The following CLEC7A variants were observed in gnomAD, a reference collection of about 807,000 sequenced individuals.
CLEC7A encodes C-type lectin domain family 7 member A.
A neutral mutation model predicts 26.9 loss-of-function variants in CLEC7A; 25 were observed. That is an observed-to-expected ratio of 0.93 (90% confidence interval 0.68 to 1.30). The LOEUF is 1.30. CLEC7A is among the 50% of genes most tolerant of loss of function. The probability of loss-of-function intolerance (pLI) is 0.00; values close to 1 mark genes in which losing one functional copy is unlikely to be tolerated. For synonymous variants in CLEC7A, 100 were observed against 99.5 expected, an observed-to-expected ratio of 1.01 and a Z score of -0.03; for missense variants, 275 against 286.7, an observed-to-expected ratio of 0.96 and a Z score of 0.29.
At chr12:10,118,635 G>C (rs1456915847) in intron 5 of CLEC7A, 45 bp from the exon 6 acceptor site, 2 of 1,539,044 alleles carry the variant, frequency 1.3e-6, no homozygotes, top group Non-Finnish European at 1.8e-6. Flanking sequence ...AAATGTTAAG[G>C]AATACTGTCT....
chr12:10,127,576 C>T (rs1035955358), intron 2 of CLEC7A, 171 bp downstream of exon 2: 2 of 989,600 alleles, frequency 2.0e-6, no homozygotes, highest in Non-Finnish European at 3.2e-6. Context: ...CTCAGTCTCT[C>T]ACACCCTTTA....
rs982339053 is a variant in CLEC7A at position 10,118,448 on chromosome 12, A to C, written c.*10T>G. On this transcript the variant is annotated 3_prime_UTR_variant, in exon 6 of 6. Coordinates refer to ENST00000304084, the MANE Select transcript of CLEC7A (RefSeq NM_197947.3). The stretch of plus-strand genomic sequence containing the variant: ...CTCACATATTTCTCTCTCCTTCTCC[A>C]CCCTTCCTCTTACATTGAAAACTTC... 6.2e-7 allele frequency: 1 copy of C among 1,604,082 alleles called. No individual in the cohort carries two copies. Among genetic ancestry groups the C allele is most frequent in the African/African-American group, 1.3e-5 (1 of 74,614 alleles).
intron 5 of CLEC7A, among the ~76,000 whole-genome samples, chr12:10,120,845 C>T (rs1001986267): frequency 2.0e-5 from 3 of 150,326 alleles, no homozygotes; most frequent in Non-Finnish European, 4.4e-5. Context: ...ACCTCCGTCT[C>T]CCGGGTTGAA....
At chr12:10,119,249 A>C (rs1421086884) in intron 5 of CLEC7A, among the ~76,000 whole-genome samples, 1 of 152,208 alleles carries the variant, frequency 6.6e-6, no homozygotes, top group Non-Finnish European at 1.5e-5. Context: ...AAAAGCTATG[A>C]CTTGGCACTC....
intron 5 of CLEC7A, among the ~76,000 whole-genome samples, chr12:10,121,876 TGA>T (rs1948097157): frequency 6.6e-6 from 1 of 152,002 alleles, no homozygotes; most frequent in African/African-American, 2.4e-5. Context: ...GGCATGGTGG[TGA>T]GCGCCTGTAG....
At chr12:10,124,043 G>A (rs1234281459) in intron 4 of CLEC7A, among the ~76,000 whole-genome samples, 2 of 93,466 alleles carry the variant, frequency 2.1e-5, no homozygotes, top group African/African-American at 5.1e-5. Flanking sequence ...CGCTACTTTC[G>A]TTAAGAAGTA....
intron 5 of CLEC7A, among the ~76,000 whole-genome samples, chr12:10,118,861 T>A (rs1052105443): frequency 9.9e-5 from 15 of 152,072 alleles, no homozygotes; most frequent in African/African-American, 3.4e-4. Context: ...AGAAGAAAAA[T>A]CATTTAATAT....
intron 5 of CLEC7A, among the ~76,000 whole-genome samples, chr12:10,122,244 T>A (rs962363602): frequency 6.6e-6 from 1 of 152,092 alleles, no homozygotes; most frequent in African/African-American, 2.4e-5. Flanking sequence ...TCTGCAGATA[T>A]TAAAAAGCAA....
In CLEC7A at chr12:10,118,374, G is replaced by A. The variant is rs142132621; in HGVS notation, c.*84C>T. On this transcript the variant is annotated 3_prime_UTR_variant, in exon 6 of 6. Transcript: ENST00000304084. ...TCTAAACATTTTCTGCATTTATCTTGACCTCAGCTGTTACTCTTTTCTGTT... is the reference window on the plus strand; with the variant it reads ...TCTAAACATTTTCTGCATTTATCTTAACCTCAGCTGTTACTCTTTTCTGTT... 3.2e-4 allele frequency: 409 copies of A among 1,293,690 alleles called. No individual in the cohort carries two copies. In the African/African-American group the frequency reaches 4.7e-3, roughly 15 times the overall value. 80.1% of individuals were successfully genotyped at this position (1,293,690 alleles called of 1,614,324 possible).
intron 2 of CLEC7A, chr12:10,127,387 G>A (rs772001509): frequency 1.2e-6 from 2 of 1,612,094 alleles, no homozygotes; most frequent in Non-Finnish European, 8.5e-7. Context: ...TTCTTCTTCA[G>A]CTCCGCTTGT....
At chr12:10,123,747 G>A (rs918310678) in intron 4 of CLEC7A, among the ~76,000 whole-genome samples, 4 of 107,926 alleles carry the variant, frequency 3.7e-5, no homozygotes, top group African/African-American at 9.4e-5. Context: ...CGGCCTGGGC[G>A]ACAGAGCGAG....
intron 5 of CLEC7A, 44 bp downstream of exon 5, chr12:10,123,201 C>T (rs1565621596): frequency 2.3e-6 from 3 of 1,282,444 alleles, no homozygotes; most frequent in South Asian, 1.2e-5. Context: ...AGATGGAAAC[C>T]TCTCTGAGAA....
At chr12:10,130,206 A>AG (rs1363005867), upstream of CLEC7A, 1 of 543,616 alleles carries the variant, frequency 1.8e-6, no homozygotes, top group Admixed American at 3.1e-5. Context: ...TACTTACCGG[A>AG]GTTTAACAAA....
At chr12:10,125,180 CAA>C (rs10717980) in intron 4 of CLEC7A, 115 bp downstream of exon 4, 49,585 of 572,960 alleles carry the variant, frequency 0.087, 84 homozygotes, top group African/African-American at 0.12. Flanking sequence ...GACTCTGCCT[CAA>C]AAAAAAAAAA....
chr12:10,123,630 G>A (rs111862758), intron 4 of CLEC7A, among the ~76,000 whole-genome samples: 2,475 of 142,080 alleles, frequency 0.017, 166 homozygotes, highest in African/African-American at 0.069. Context: ...GCGCGGTGGC[G>A]GGCGCCTGTG....
At position 10,118,446 on chromosome 12, in the gene CLEC7A, C is replaced by A. The variant is rs762806010; in HGVS notation, c.*12G>T. 1.9e-6 allele frequency: 3 copies of A among 1,603,656 alleles called. No individual in the cohort carries two copies. The highest frequency in any genetic ancestry group is 2.6e-6 in the Non-Finnish European group (3 of 1,171,096). ...ACCTCACATATTTCTCTCTCCTTCT[C>A]CACCCTTCCTCTTACATTGAAAACT... On this transcript the variant is annotated 3_prime_UTR_variant, in exon 6 of 6. Transcript: ENST00000304084.
intron 2 of CLEC7A, 133 bp downstream of exon 2, chr12:10,127,614 A>G (rs1392973519): frequency 1.1e-6 from 1 of 924,546 alleles, no homozygotes; most frequent in Admixed American, 2.0e-5. Flanking sequence ...AACAGCACCA[A>G]CCCAATACAG....
At chr12:10,125,960 A>T (rs1468873446) in intron 3 of CLEC7A, among the ~76,000 whole-genome samples, 1 of 152,182 alleles carries the variant, frequency 6.6e-6, no homozygotes, top group Non-Finnish European at 1.5e-5. Context: ...CAGAGATGAA[A>T]AATTGAACTG....
chr12:10,123,047 C>G (rs915682843), intron 5 of CLEC7A, among the ~76,000 whole-genome samples, 198 bp downstream of exon 5: 2 of 152,134 alleles, frequency 1.3e-5, no homozygotes, highest in Non-Finnish European at 1.5e-5. Flanking sequence ...GATGGCCTCA[C>G]TCTTTTTCAC....
Sources: allele counts gnomAD v4.1 joint callset (sites outside exome capture counted in the v4.1 genomes callset), GRCh38; gene constraint gnomAD v4.1.1; transcripts MANE v1.5; gene names NCBI Gene and HGNC (gene_info 2026-07-23, HGNC 2026-07-21).